The following EFCAB13 variants were observed in gnomAD, a reference collection of about 807,000 sequenced individuals.
EFCAB13 encodes EF-hand calcium binding domain 13, also known as EF-hand calcium-binding domain-containing protein 13.
EFCAB13 carries 91 observed loss-of-function variants against 110.2 expected under a neutral mutation model. That is an observed-to-expected ratio of 0.83 (90% confidence interval 0.70 to 0.98). The LOEUF (loss-of-function observed/expected upper bound fraction) is 0.98. Among genes scored for constraint, EFCAB13 ranks in the 50% least tolerant of loss-of-function variants. The pLI is 0.00. For synonymous variants in EFCAB13, 323 were observed against 369.9 expected (o/e 0.87, Z 1.45); for missense variants, 968 against 1,119.4 (o/e 0.86, Z 1.93).
intron 8 of EFCAB13, among the ~76,000 whole-genome samples, chr17:47,345,580 C>T (rs1230734250): frequency 6.6e-6 from 1 of 152,006 alleles, no homozygotes; most frequent in African/African-American, 2.4e-5. Context: ...TCTTAGTGTC[C>T]AAATGGGTGA....
In EFCAB13 at chr17:47,361,536, T is replaced by C. The variant is rs749251246; in HGVS notation, c.805+15T>C. 7 of 1,591,060 alleles carry C rather than the reference T, an allele frequency of 4.4e-6. No individual in the cohort carries two copies. In the Admixed American group the frequency reaches 8.4e-5, roughly 19 times the overall value. On this transcript the variant is annotated intron_variant, in intron 10 of 24. Transcript: ENST00000331493. Reference sequence around the variant, plus strand: ...CTATATTGACAGTGAGTTATTTGCATTGAGATATATATGTCCATATATATG... The same window carrying C: ...CTATATTGACAGTGAGTTATTTGCACTGAGATATATATGTCCATATATATG...
rs184381062 is a variant in EFCAB13, at chr17:47,324,517, G to A, written c.-254G>A. 201 of 152,298 alleles carry A rather than the reference G, an allele frequency of 1.3e-3. 1 individual carries two copies. The highest frequency in any genetic ancestry group is 4.7e-3 in the African/African-American group (196 of 41,542). 9.4% of individuals were successfully genotyped at this position (152,298 alleles called of 1,614,324 possible). A position where few individuals can be genotyped will look rare whatever the true frequency, so the allele number is the denominator to read the frequency against. ...CTCCTCAGCGTGGGTTCTTGGAAGA[G>A]GTGGAGGTTCGTTCACTCGACGTTT... is the stretch of plus-strand genomic sequence containing the variant. On this transcript the variant is annotated 5_prime_UTR_variant, in exon 2 of 25. Transcript: ENST00000331493.
chr17:47,411,003 T>C (rs932620107), intron 21 of EFCAB13, among the ~76,000 whole-genome samples: 2 of 152,206 alleles, frequency 1.3e-5, no homozygotes, highest in East Asian at 1.9e-4. Context: ...CCTGGTATCA[T>C]TGGGCCAAGG....
At chr17:47,357,218 G>T (rs1197390863) in intron 9 of EFCAB13, among the ~76,000 whole-genome samples, 1 of 152,160 alleles carries the variant, frequency 6.6e-6, no homozygotes, top group Non-Finnish European at 1.5e-5. Flanking sequence ...GCCTGCAAGG[G>T]CATCCATCTC....
intron 18 of EFCAB13, among the ~76,000 whole-genome samples, chr17:47,403,258 C>T (rs1344480422): frequency 6.6e-6 from 1 of 152,044 alleles, no homozygotes; most frequent in Non-Finnish European, 1.5e-5. Context: ...ATCTTAAGTA[C>T]TTTTTATACA....
intron 14 of EFCAB13, among the ~76,000 whole-genome samples, chr17:47,385,076 T>A (rs1455975103): frequency 6.6e-6 from 1 of 152,166 alleles, no homozygotes; most frequent in African/African-American, 2.4e-5. Context: ...CAGCCAACTT[T>A]TATTCCTCCA....
Position 47,440,700 on chromosome 17 carries a change from A to C in EFCAB13, c.2908A>C (p.Asn970His), listed in dbSNP as rs1241900122. The change falls in exon 25 of 25, where the codon AAC becomes CAC. Residue 970 changes from asparagine to histidine, a missense_variant. Transcript: ENST00000331493. ...SKANIAKLNP[N>H]SKF is the part of the protein sequence containing the mutation. ...GGCAAATATTGCTAAGCTTAACCCA[A>C]ACTCAAAATTTTAGGTAGTCTTACT... is the stretch of plus-strand genomic sequence containing the variant. 2 of 1,563,606 alleles carry C rather than the reference A, an allele frequency of 1.3e-6. No individual in the cohort carries two copies. Among genetic ancestry groups the C allele is most frequent in the African/African-American group, 2.7e-5 (2 of 72,858 alleles).
intron 17 of EFCAB13, among the ~76,000 whole-genome samples, chr17:47,399,665 T>A (rs1421759999): frequency 6.6e-6 from 1 of 151,968 alleles, no homozygotes; most frequent in East Asian, 1.9e-4. Flanking sequence ...GAAAAACAAC[T>A]GATTCAGATT....
chr17:47,339,683 G>C (rs1211095632), intron 5 of EFCAB13, among the ~76,000 whole-genome samples: 1 of 140,790 alleles, frequency 7.1e-6, no homozygotes, highest in Non-Finnish European at 1.5e-5. Context: ...CTGGGCAACA[G>C]AGTGAGACTC....
intron 20 of EFCAB13, 48 bp from the exon 21 acceptor site, chr17:47,409,599 A>G (rs1379028198): frequency 7.0e-7 from 1 of 1,437,188 alleles, no homozygotes. Context: ...ACAGGGTAAG[A>G]TCAGGATGCC....
chr17:47,328,350 A>T lies in EFCAB13; in HGVS notation c.-4A>T, dbSNP rs753174211. The stretch of plus-strand genomic sequence containing the variant: ...AAGGACAGAATTTACCTCTAAACAG[A>T]AAGATGGAAACTAAAGTACATTTAT... On this transcript the variant is annotated 5_prime_UTR_variant, in exon 4 of 25. Coordinates refer to ENST00000331493, the MANE Select transcript of EFCAB13 (RefSeq NM_152347.5). 5.0e-6 allele frequency: 8 copies of T among 1,604,966 alleles called. No individual in the cohort carries two copies. The East Asian group carries it at 1.8e-4, about 36-fold the overall frequency.
At chr17:47,379,746 A>G (rs1355122075) in intron 14 of EFCAB13, among the ~76,000 whole-genome samples, 1 of 147,826 alleles carries the variant, frequency 6.8e-6, no homozygotes, top group Non-Finnish European at 1.5e-5. Context: ...GTTGCTTGCA[A>G]TATTTTTATA....
At chr17:47,324,423 G>C (rs900463614) in intron 1 of EFCAB13, 31 bp from the exon 2 acceptor site, 2 of 152,136 alleles carry the variant, frequency 1.3e-5, no homozygotes, top group South Asian at 2.1e-4. Context: ...TCGTTCACTC[G>C]CTAGCTTACA....
At chr17:47,421,641 GA>G (rs375256582) in intron 23 of EFCAB13, among the ~76,000 whole-genome samples, 9 of 129,358 alleles carry the variant, frequency 7.0e-5, no homozygotes, top group East Asian at 2.6e-4. Context: ...AAGAAAGAAA[GA>G]AAAAAAAAAA....
intron 17 of EFCAB13, among the ~76,000 whole-genome samples, chr17:47,397,147 A>G (rs1252631497): frequency 6.7e-6 from 1 of 149,886 alleles, no homozygotes; most frequent in Non-Finnish European, 1.5e-5. Flanking sequence ...AAGTGCCTGC[A>G]ATTGCAGGCG....
intron 24 of EFCAB13, among the ~76,000 whole-genome samples, chr17:47,434,967 AC>A (rs1905185868): frequency 6.6e-6 from 1 of 152,214 alleles, no homozygotes; most frequent in African/African-American, 2.4e-5. Flanking sequence ...ACTCTTCTAG[AC>A]ATTGGCTTAG....
At chr17:47,430,555 C>A (rs969279854) in intron 24 of EFCAB13, 4 of 151,888 alleles carry the variant, frequency 2.6e-5, no homozygotes, top group African/African-American at 9.7e-5. Context: ...TTGTGAAAGG[C>A]TTTGGATTAT....
intron 4 of EFCAB13, among the ~76,000 whole-genome samples, chr17:47,331,986 G>T (rs2065322174): frequency 6.6e-6 from 1 of 152,052 alleles, no homozygotes; most frequent in Non-Finnish European, 1.5e-5. Context: ...CATCTTGATT[G>T]CTTTCAAGTT....
Position 47,409,691 on chromosome 17 carries a change from GGTGA to G in EFCAB13, c.2278+3_2278+6del, listed in dbSNP as rs779200658. On this transcript the variant is annotated splice_donor_variant and splice_donor_region_variant and intron_variant, in intron 21 of 24. Transcript: ENST00000331493. LOFTEE classifies it high-confidence loss of function. ...AAATCTAAAATTACCAAAGGTAAAC[GGTGA>G]GTAAGAACTTTGTATATGAGAAAAT... is the stretch of plus-strand genomic sequence containing the variant. The G allele has an allele frequency of 2.6e-5, 42 of 1,607,206 alleles. No individual in the cohort carries two copies. The highest frequency in any genetic ancestry group is 3.3e-5 in the Admixed American group (2 of 59,946).
Sources: gnomAD v4.1 joint callset for allele counts (sites outside exome capture counted in the v4.1 genomes callset) on GRCh38, gnomAD v4.1.1 for gene constraint, MANE v1.5 for transcripts, NCBI Gene and HGNC (gene_info 2026-07-23, HGNC 2026-07-21) for gene names.